The following TREML1 variants were observed in gnomAD, a reference collection of about 807,000 sequenced individuals.
The protein encoded by TREML1 is trem-like transcript 1 protein.
In TREML1, 27 loss-of-function variants were observed where a neutral mutation model predicts 22.8. The ratio of observed to expected loss-of-function variants is 1.19; its 90% CI spans 0.87 to 1.64. The LOEUF is 1.64. TREML1 is among the 40% of genes most tolerant of loss of function. The pLI is 0.00. For missense variants in TREML1, 356 were observed against 382.0 expected (o/e 0.93, Z 0.57); for synonymous variants, 153 against 161.9 (o/e 0.94, Z 0.42).
chr6:41,151,056 G>A (rs139929627), intron 3 of TREML1, 149 bp from the exon 4 acceptor site: 15 of 740,432 alleles, frequency 2.0e-5, no homozygotes, highest in African/African-American at 1.6e-4. Context: ...AGGTAGGGCA[G>A]AAGAGGGACT....
Position 41,149,956 on chromosome 6 carries a change from T to G in TREML1, c.622-38A>C, listed in dbSNP as rs540691714. 3.1e-6 allele frequency: 5 copies of G among 1,587,580 alleles called. No individual in the cohort carries two copies. The South Asian group carries it at 5.7e-5, about 18-fold the overall frequency. ...CAGGCAAGTCAGGAATGCCTCCCTC[T>G]GCCCCAGAACTCCCTTTGGTGGGAA... On this transcript the variant is annotated intron_variant, in intron 5 of 5. Coordinates refer to ENST00000426005, the MANE Select transcript of TREML1 (RefSeq NM_178174.4).
upstream of TREML1, chr6:41,154,410 C>T (rs532869960): frequency 3.8e-6 from 3 of 789,388 alleles, no homozygotes; most frequent in Non-Finnish European, 6.3e-6. Flanking sequence ...TGATGGGCAC[C>T]TCCAGGGGTG....
chr6:41,154,401 G>C (rs1409056772), upstream of TREML1: 2 of 855,810 alleles, frequency 2.3e-6, no homozygotes, highest in Admixed American at 4.2e-5. Flanking sequence ...GAAAGGAAAT[G>C]ATGGGCACCT....
At chr6:41,150,999 T>C (rs547765343) in intron 3 of TREML1, 92 bp from the exon 4 acceptor site, 1 of 1,098,160 alleles carries the variant, frequency 9.1e-7, no homozygotes, top group African/African-American at 1.5e-5. Context: ...AAGGGTTACA[T>C]TCTTGATTGG....
At position 41,150,252 on chromosome 6, in the gene TREML1, G is replaced by A; in HGVS notation, c.621+9C>T. On this transcript the variant is annotated intron_variant, in intron 5 of 5. Coordinates refer to ENST00000426005, the MANE Select transcript of TREML1 (RefSeq NM_178174.4). ...GGAATTTGGCTGTGGGCCTGCAGAGGCCTCTTACCATGCCTGAAACTCTGC... is the reference window on the plus strand; with the variant it reads ...GGAATTTGGCTGTGGGCCTGCAGAGACCTCTTACCATGCCTGAAACTCTGC... The A allele has an allele frequency of 1.9e-6, 3 of 1,613,764 alleles. No homozygotes were observed. The highest frequency in any genetic ancestry group is 1.3e-5 in the African/African-American group (1 of 75,000).
intron 1 of TREML1, 55 bp downstream of exon 1, chr6:41,154,191 T>G (rs1765362228): frequency 1.3e-6 from 2 of 1,598,890 alleles, no homozygotes; most frequent in Non-Finnish European, 1.7e-6. Context: ...ACGTTACTCC[T>G]GGACATGGGG....
chr6:41,154,014 G>A lies in TREML1; in HGVS notation c.120C>T (p.Tyr40=), dbSNP rs777476176. The change falls in exon 2 of 6, where the codon TAC becomes TAT. Residue 40 remains tyrosine (Y), a synonymous_variant. Coordinates refer to ENST00000426005, the MANE Select transcript of TREML1 (RefSeq NM_178174.4). ...TCTGAGCTTTGACATCCTGGAGCCT[G>A]TAGTGGCACTGCACCAGAATGGAGC... is the stretch of plus-strand genomic sequence containing the variant. The part of the protein sequence containing the change: ...VGSSILVQCH[Y]RLQDVKAQKV... 1.9e-6 allele frequency: 3 copies of A among 1,614,068 alleles called. No individual in the cohort carries two copies. The highest frequency in any genetic ancestry group is 2.2e-5 in the South Asian group (2 of 91,086).
Position 41,154,268 on chromosome 6 carries a change from C to T in TREML1, c.21G>A (p.Leu7=). The change falls in exon 1 of 6, where the codon TTG becomes TTA. Residue 7 remains leucine, a synonymous_variant. Transcript: ENST00000426005. ...TACCTTCTAGTCCCAGGAGCAGCAG[C>T]AAGAGCAGGGTGAGGCCCATGGCTG... is the stretch of plus-strand genomic sequence containing the variant. The part of the protein sequence containing the change: MGLTLL[L]LLLLGLEGQG... 6.2e-7 allele frequency: 1 copy of T among 1,614,100 alleles called. No individual in the cohort carries two copies. Among genetic ancestry groups the T allele is most frequent in the Non-Finnish European group, 8.5e-7 (1 of 1,180,016 alleles).
rs1243894915 is a variant in TREML1 at position 41,149,749 on chromosome 6, G to A, written c.791C>T (p.Ser264Leu). Residue 264 changes from serine (S) to leucine (L), a missense_variant, in exon 6 of 6, where the codon TCA becomes TTA. By Grantham distance (145) the Ser-to-Leu change is moderately radical (BLOSUM62 -2). Coordinates refer to ENST00000426005, the MANE Select transcript of TREML1 (RefSeq NM_178174.4). ...SGKPSLPAPS[S>L]LPPLPPKVLV... ...GACCTTAGGAGGTAGAGGGGGCAAT[G>A]AGGATGGAGCTGGGAGTGAAGGTTT... The A allele has an allele frequency of 6.2e-7, 1 of 1,614,228 alleles. No homozygotes were observed. The highest frequency in any genetic ancestry group is 1.1e-5 in the South Asian group (1 of 91,084).
At chr6:41,150,065 C>A in intron 5 of TREML1, 147 bp from the exon 6 acceptor site, 2 of 1,027,998 alleles carry the variant, frequency 1.9e-6, no homozygotes, top group Non-Finnish European at 2.8e-6. Context: ...TTTCAAGCCC[C>A]AAGTTTCTCC....
At position 41,153,757 on chromosome 6, in the gene TREML1, C is replaced by G. The variant is rs1486776428; in HGVS notation, c.376+1G>C. On this transcript the variant is annotated splice_donor_variant, in intron 2 of 5. Transcript: ENST00000426005. LOFTEE classifies it high-confidence loss of function. The stretch of plus-strand genomic sequence containing the variant: ...GTGGTAGCTGGCCTAGGATAACTCA[C>G]CTGGGGGCAGTATGTTCAGAGAGAC... 3 of 1,600,922 alleles carry G rather than the reference C, an allele frequency of 1.9e-6. No homozygotes were observed. In the East Asian group the frequency reaches 6.7e-5, roughly 36 times the overall value.
At chr6:41,150,002 T>A in intron 5 of TREML1, 84 bp from the exon 6 acceptor site, 1 of 1,346,776 alleles carries the variant, frequency 7.4e-7, no homozygotes, top group South Asian at 1.3e-5. Flanking sequence ...ACACTAGATC[T>A]ATCTCTTGAA....
chr6:41,150,160 G>A, intron 5 of TREML1, 101 bp downstream of exon 5: 3 of 1,355,256 alleles, frequency 2.2e-6, no homozygotes, highest in South Asian at 1.3e-5. Context: ...CCCCAACTAG[G>A]TCCCAGTCCT....
At position 41,149,517 on chromosome 6, in the gene TREML1, C is replaced by T. The variant is rs1765184766; in HGVS notation, c.*87G>A. ...TTAAAGTCCCTGGTTGCTCAGATAT[C>T]CTAAGGATCCTAGGGCATGAGCTGG... On this transcript the variant is annotated 3_prime_UTR_variant, in exon 6 of 6. Transcript: ENST00000426005. 1 of 1,419,348 alleles carries T rather than the reference C, an allele frequency of 7.0e-7. No homozygotes were observed. Among genetic ancestry groups the T allele is most frequent in the African/African-American group, 1.4e-5 (1 of 70,042 alleles). 87.9% of individuals were successfully genotyped at this position (1,419,348 alleles called of 1,614,324 possible).
At chr6:41,151,643 C>T (rs1420168722) in intron 2 of TREML1, 3 of 487,580 alleles carry the variant, frequency 6.2e-6, no homozygotes, top group African/African-American at 5.8e-5. Flanking sequence ...CACCAGCTCC[C>T]CCCATCTTCC....
Position 41,153,783 on chromosome 6 carries a change from T to A in TREML1, c.351A>T (p.Arg117Ser), listed in dbSNP as rs1025878607. 5 of 1,612,476 alleles carry A rather than the reference T, an allele frequency of 3.1e-6. No individual in the cohort carries two copies. The highest frequency in any genetic ancestry group is 3.4e-6 in the Non-Finnish European group (4 of 1,179,170). Residue 117 changes from arginine to serine, a missense_variant, in exon 2 of 6, where the codon AGA becomes AGT. Physicochemically the swap from Arg to Ser is moderately radical, Grantham distance 110. Coordinates refer to ENST00000426005, the MANE Select transcript of TREML1 (RefSeq NM_178174.4). ...CTGGGGGCAGTATGTTCAGAGAGACTCTGTGCAAAATCTGGGGCCCCCTGG... is the reference window on the plus strand; with the variant it reads ...CTGGGGGCAGTATGTTCAGAGAGACACTGTGCAAAATCTGGGGCCCCCTGG... ...DGARGPQILH[R>S]VSLNILPPEE...
chr6:41,153,908 G>T lies in TREML1; in HGVS notation c.226C>A (p.Arg76Ser), dbSNP rs764787984. 4 of 1,614,038 alleles carry T rather than the reference G, an allele frequency of 2.5e-6. No homozygotes were observed. The Admixed American group carries it at 6.7e-5, about 27-fold the overall frequency. Residue 76 changes from arginine to serine, a missense_variant, in exon 2 of 6, where the codon CGT becomes AGT. Arg to Ser is a moderately radical substitution (Grantham distance 110, BLOSUM62 -1). Transcript: ENST00000426005. ...AVDRRAPAGR[R>S]TFLTDLGGGL... is the part of the protein sequence containing the mutation. ...CCACCCAGGTCTGTGAGAAACGTAC[G>T]CCTGCCCGCTGGAGCTCTGCGATCC... is the stretch of plus-strand genomic sequence containing the variant.
rs1258833271 is a variant in TREML1 at position 41,151,309 on chromosome 6, G to A, written c.452C>T (p.Pro151Leu). Residue 151 changes from proline to leucine, a missense_variant, in exon 3 of 6, where the codon CCT (proline) becomes CTT (leucine). By Grantham distance (98) the Pro-to-Leu change is moderately conservative (BLOSUM62 -3). Transcript: ENST00000426005. Reference sequence around the variant, plus strand: ...CTTCTCATCCTGGCTGGGTTCCAAAGGGTTGGCACTGCCTGCAGGGTCTGA... The same window carrying A: ...CTTCTCATCCTGGCTGGGTTCCAAAAGGTTGGCACTGCCTGCAGGGTCTGA... ...AFSDPAGSAN[P>L]LEPSQDEKSI... 6.2e-7 allele frequency: 1 copy of A among 1,614,084 alleles called. No homozygotes were observed. Among genetic ancestry groups the A allele is most frequent in the African/African-American group, 1.3e-5 (1 of 74,926 alleles).
chr6:41,153,539 G>A (rs772721973), intron 2 of TREML1, among the ~76,000 whole-genome samples: 8 of 152,064 alleles, frequency 5.3e-5, no homozygotes, highest in South Asian at 2.1e-4. Flanking sequence ...GTGGGGAAGC[G>A]CAGTAGTGTG....
Sources: allele counts gnomAD v4.1 joint callset (sites outside exome capture counted in the v4.1 genomes callset), GRCh38; gene constraint gnomAD v4.1.1; transcripts MANE v1.5; gene names NCBI Gene and HGNC (gene_info 2026-07-23, HGNC 2026-07-21).